Variants in KCNH5 observed in about 807,000 individuals in gnomAD.
The protein encoded by KCNH5 is potassium voltage-gated channel subfamily H member 5.
A neutral mutation model predicts 96.1 loss-of-function variants in KCNH5; 46 were observed. That is an observed-to-expected ratio of 0.48 (90% CI 0.38 to 0.61). The LOEUF (loss-of-function observed/expected upper bound fraction) is 0.61. KCNH5 is among the 20% of genes least tolerant of loss of function. KCNH5 has a pLI of 0.00. For missense variants in KCNH5, 907 were observed against 1,225.8 expected, an observed-to-expected ratio of 0.74 and a Z score of 3.88; for synonymous variants, 439 against 449.8, an observed-to-expected ratio of 0.98 and a Z score of 0.30.
rs1595618622 is a variant in KCNH5 at position 62,779,604 on chromosome 14, C to T, written c.2019+124G>A. The T allele has an allele frequency of 1.2e-5, 8 of 695,648 alleles. No homozygotes were observed. The East Asian group carries it at 1.8e-4, about 15-fold the overall frequency. The allele number at this position is 695,648 out of a possible 1,614,324, so 43.1% of individuals were successfully genotyped here. On this transcript the variant is annotated intron_variant, in intron 10 of 10. Transcript: ENST00000322893. Reference sequence around the variant, plus strand: ...ATAAATAAAGAGAAGGAAAATTATGCCACTTTACATTGATGGGAATTTAGT... The same window carrying T: ...ATAAATAAAGAGAAGGAAAATTATGTCACTTTACATTGATGGGAATTTAGT...
At chr14:62,775,657 C>A (rs1056813326) in intron 10 of KCNH5, among the ~76,000 whole-genome samples, 1 of 152,136 alleles carries the variant, frequency 6.6e-6, no homozygotes, top group Non-Finnish European at 1.5e-5. Flanking sequence ...CATCTCATAA[C>A]CCTCTGAATA....
chr14:63,045,353 G>T lies in KCNH5; in HGVS notation c.-167C>A. ...CTGACTGTGTCTCCAGCCCGACCCG[G>T]ATGAGCAGCTCTGGGGAGGAGGACC... is the stretch of plus-strand genomic sequence containing the variant. On this transcript the variant is annotated 5_prime_UTR_variant, in exon 1 of 11. Coordinates refer to ENST00000322893, the MANE Select transcript of KCNH5 (RefSeq NM_139318.5). 1.6e-6 allele frequency: 1 copy of T among 640,684 alleles called. No homozygotes were observed. Among genetic ancestry groups the T allele is most frequent in the East Asian group, 2.7e-5 (1 of 36,648 alleles). 39.7% of individuals were successfully genotyped at this position (640,684 alleles called of 1,614,324 possible).
intron 6 of KCNH5, among the ~76,000 whole-genome samples, chr14:62,958,263 G>C (rs1465915344): frequency 6.6e-6 from 1 of 152,174 alleles, no homozygotes; most frequent in African/African-American, 2.4e-5. Flanking sequence ...AGAACTCCAA[G>C]TTATTACTTC....
intron 10 of KCNH5, among the ~76,000 whole-genome samples, chr14:62,746,934 C>T (rs1266137040): frequency 2.6e-5 from 4 of 152,196 alleles, no homozygotes; most frequent in Non-Finnish European, 4.4e-5. Context: ...AAAAATTAAA[C>T]TTCAAACACG....
chr14:62,784,272 C>A (rs887257055), intron 9 of KCNH5, among the ~76,000 whole-genome samples: 1 of 152,162 alleles, frequency 6.6e-6, no homozygotes, highest in African/African-American at 2.4e-5. Flanking sequence ...GGGGAAACTG[C>A]TCCCATTATT....
chr14:62,708,490 T>C (rs1408082469), intron 10 of KCNH5, 35 bp from the exon 11 acceptor site: 8 of 1,345,114 alleles, frequency 5.9e-6, no homozygotes, highest in Non-Finnish European at 8.2e-6. Flanking sequence ...AGCCTGATTA[T>C]AAAAGCAGAT....
chr14:62,945,793 A>G (rs1889875977), intron 7 of KCNH5, among the ~76,000 whole-genome samples: 1 of 152,092 alleles, frequency 6.6e-6, no homozygotes, highest in Non-Finnish European at 1.5e-5. Flanking sequence ...GAAAGCAAGT[A>G]CAAAGACTCT....
chr14:62,966,615 A>C (rs1890309721), intron 6 of KCNH5, among the ~76,000 whole-genome samples: 1 of 152,184 alleles, frequency 6.6e-6, no homozygotes, highest in Admixed American at 6.5e-5. Flanking sequence ...CCTTAGCAGG[A>C]CCTTCTTTCT....
At chr14:62,838,305 T>C (rs1313665569) in intron 8 of KCNH5, among the ~76,000 whole-genome samples, 1 of 152,158 alleles carries the variant, frequency 6.6e-6, no homozygotes, top group Non-Finnish European at 1.5e-5. Context: ...ATATTCCAAC[T>C]GCACTACCTC....
At chr14:62,909,754 C>G (rs537401722) in intron 7 of KCNH5, among the ~76,000 whole-genome samples, 1 of 151,954 alleles carries the variant, frequency 6.6e-6, no homozygotes, top group African/African-American at 2.4e-5. Flanking sequence ...AGAGTGAGCC[C>G]GCAGAGGCAC....
chr14:62,764,340 C>T (rs1885815329), intron 10 of KCNH5, among the ~76,000 whole-genome samples: 1 of 151,814 alleles, frequency 6.6e-6, no homozygotes. Context: ...TGTTAAAAAC[C>T]CTCAACAAAC....
chr14:62,948,631 A>G (rs922869834), intron 7 of KCNH5, among the ~76,000 whole-genome samples: 2 of 151,288 alleles, frequency 1.3e-5, no homozygotes, highest in African/African-American at 4.9e-5. Flanking sequence ...TCAATAGAAA[A>G]AGAGGGAATC....
At chr14:62,949,975 A>T (rs951581805) in intron 7 of KCNH5, 158 bp downstream of exon 7, 1 of 630,064 alleles carries the variant, frequency 1.6e-6, no homozygotes, top group Admixed American at 2.9e-5. Context: ...ATTATTTTGC[A>T]TTTCTATTTT....
chr14:63,003,622 ATATT>A (rs1566537037), intron 3 of KCNH5, among the ~76,000 whole-genome samples: 2 of 111,380 alleles, frequency 1.8e-5, no homozygotes, highest in Admixed American at 1.0e-4. Context: ...ATATATATAT[ATATT>A]TTTTTTTTTT....
intron 9 of KCNH5, among the ~76,000 whole-genome samples, 168 bp downstream of exon 9, chr14:62,802,161 G>T (rs1886675071): frequency 1.3e-5 from 2 of 152,148 alleles, no homozygotes; most frequent in Admixed American, 1.3e-4. Flanking sequence ...TGATACTAAT[G>T]TTCTCTGCTG....
At chr14:62,751,857 T>G (rs1301476908) in intron 10 of KCNH5, among the ~76,000 whole-genome samples, 1 of 152,338 alleles carries the variant, frequency 6.6e-6, no homozygotes, top group East Asian at 1.9e-4. Flanking sequence ...TTTTATAGCT[T>G]CCTATGGATA....
chr14:62,830,178 G>A (rs976411734), intron 8 of KCNH5, among the ~76,000 whole-genome samples: 1 of 152,088 alleles, frequency 6.6e-6, no homozygotes, highest in South Asian at 2.1e-4. Flanking sequence ...TTTCATTGTC[G>A]ATATCACTGT....
intron 10 of KCNH5, among the ~76,000 whole-genome samples, chr14:62,751,586 G>T (rs1163816759): frequency 1.3e-5 from 2 of 152,164 alleles, no homozygotes; most frequent in Non-Finnish European, 2.9e-5. Context: ...CCCAAGGCAT[G>T]AATTTCTTAT....
chr14:62,996,317 C>T (rs924588906), intron 4 of KCNH5, among the ~76,000 whole-genome samples: 3 of 152,076 alleles, frequency 2.0e-5, no homozygotes, highest in Non-Finnish European at 2.9e-5. Flanking sequence ...TTTTACAATA[C>T]TTTTTCAATA....
Sources: allele counts gnomAD v4.1 joint callset (sites outside exome capture counted in the v4.1 genomes callset), GRCh38; gene constraint gnomAD v4.1.1; transcripts MANE v1.5; gene names NCBI Gene and HGNC (gene_info 2026-07-23, HGNC 2026-07-21).